MSRA: variants seen among roughly 807,000 people sequenced by gnomAD.
The protein encoded by MSRA is mitochondrial peptide methionine sulfoxide reductase.
In MSRA, 54 loss-of-function variants were observed where a neutral mutation model predicts 31.3. The observed-to-expected ratio is 1.73, with a 90% CI of 1.39 to 2.17. The LOEUF is 2.17. MSRA is among the 30% of genes most tolerant of loss of function. The pLI is 0.00. For synonymous variants in MSRA, 169 were observed against 116.5 expected (o/e 1.45, Z -2.90); for missense variants, 507 against 300.9 (o/e 1.69, Z -5.07).
intron 1 of MSRA, among the ~76,000 whole-genome samples, chr8:10,102,466 CTT>C (rs139238430): frequency 0.046 from 7,069 of 152,156 alleles, 227 homozygotes; most frequent in South Asian, 0.11. Flanking sequence ...TCTGCTATGT[CTT>C]TACTGAGACT....
intron 2 of MSRA, among the ~76,000 whole-genome samples, chr8:10,222,834 G>C (rs1460782807): frequency 6.6e-6 from 1 of 152,218 alleles, no homozygotes; most frequent in Non-Finnish European, 1.5e-5. Flanking sequence ...CCAGGGGCTG[G>C]AGAGATGTTG....
At chr8:10,335,302 G>C (rs1389248343) in intron 5 of MSRA, among the ~76,000 whole-genome samples, 1 of 113,492 alleles carries the variant, frequency 8.8e-6, no homozygotes, top group African/African-American at 3.5e-5. Context: ...ATCCGGCCCT[G>C]TGACCCTTTC....
intron 3 of MSRA, among the ~76,000 whole-genome samples, chr8:10,257,239 G>T (rs1446762794): frequency 6.6e-6 from 1 of 152,116 alleles, no homozygotes; most frequent in Non-Finnish European, 1.5e-5. Flanking sequence ...CAGCCTGGAA[G>T]TAAGAGGAAG....
rs190228610 is a variant in MSRA, at chr8:10,398,487, G to T, written c.544-29661G>T. 1.7e-3 allele frequency among the ~76,000 whole-genome samples: 260 copies of T among 152,328 alleles called. 1 individual carries two copies. The highest frequency in any genetic ancestry group is 2.4e-4 in the Non-Finnish European group (16 of 68,026). On this transcript the variant is annotated intron_variant, in intron 5 of 5. Transcript: ENST00000317173. ...TTCTCCTGCAGGGGTCCCTCAGAGGGCTTGACTACTGGGATTGCCTTTGCC... is the reference window on the plus strand; with the variant it reads ...TTCTCCTGCAGGGGTCCCTCAGAGGTCTTGACTACTGGGATTGCCTTTGCC...
intron 5 of MSRA, among the ~76,000 whole-genome samples, chr8:10,355,619 G>C (rs1264074900): frequency 1.3e-5 from 2 of 152,186 alleles, no homozygotes; most frequent in Non-Finnish European, 2.9e-5. Context: ...CTGTCCCTCT[G>C]TGGGGTCAGG....
At chr8:10,286,134 A>G (rs116729032) in intron 3 of MSRA, among the ~76,000 whole-genome samples, 3,948 of 152,090 alleles carry the variant, frequency 0.026, 169 homozygotes, top group African/African-American at 0.089. Flanking sequence ...CCATTCTAGG[A>G]TCTTCTTCCT....
At chr8:10,297,372 A>G (rs1183779199) in intron 3 of MSRA, among the ~76,000 whole-genome samples, 1 of 152,158 alleles carries the variant, frequency 6.6e-6, no homozygotes, top group Non-Finnish European at 1.5e-5. Flanking sequence ...AAGCCCCCGT[A>G]ATGCTGCTGT....
intron 1 of MSRA, among the ~76,000 whole-genome samples, chr8:10,066,926 A>G (rs1797482026): frequency 6.6e-6 from 1 of 151,928 alleles, no homozygotes; most frequent in Non-Finnish European, 1.5e-5. Context: ...TTGAGTGGAA[A>G]GTACAGAGTT....
chr8:10,309,119 T>C (rs1801296172), intron 4 of MSRA, among the ~76,000 whole-genome samples: 1 of 152,224 alleles, frequency 6.6e-6, no homozygotes, highest in African/African-American at 2.4e-5. Context: ...CCCATGAACT[T>C]CTGTACTATC....
At chr8:10,334,473 C>T (rs942077298) in intron 5 of MSRA, among the ~76,000 whole-genome samples, 2 of 151,950 alleles carry the variant, frequency 1.3e-5, no homozygotes, top group African/African-American at 4.8e-5. Flanking sequence ...ATTTCTGTGG[C>T]GCCAAGAGTG....
chr8:10,341,518 A>G lies in MSRA; in HGVS notation c.543+21529A>G, dbSNP rs183228999. ...CTCCAGGACTGGAGATGACATTTCA[A>G]CATGAGATTTGGGCAGGGACATATA... On this transcript the variant is annotated intron_variant, in intron 5 of 5. Coordinates refer to ENST00000317173, the MANE Select transcript of MSRA (RefSeq NM_012331.5). 9.3e-4 allele frequency among the ~76,000 whole-genome samples: 141 copies of G among 152,322 alleles called. 1 individual carries two copies. The highest frequency in any genetic ancestry group is 2.8e-4 in the Non-Finnish European group (19 of 68,030).
intron 1 of MSRA, among the ~76,000 whole-genome samples, chr8:10,114,752 G>C (rs897086645): frequency 7.9e-5 from 12 of 152,094 alleles, no homozygotes; most frequent in African/African-American, 1.4e-4. Flanking sequence ...TTTACTAAAG[G>C]GAAGAAAGGA....
intron 1 of MSRA, among the ~76,000 whole-genome samples, chr8:10,109,495 A>C (rs1800128469): frequency 6.6e-6 from 1 of 151,786 alleles, no homozygotes; most frequent in Non-Finnish European, 1.5e-5. Context: ...GCACGCACCT[A>C]CCACACTCAG....
intron 5 of MSRA, among the ~76,000 whole-genome samples, chr8:10,409,669 C>T (rs780401134): frequency 2.0e-5 from 3 of 152,248 alleles, no homozygotes; most frequent in Non-Finnish European, 4.4e-5. Flanking sequence ...AGCATCACCC[C>T]TAGGCCCTCC....
intron 1 of MSRA, among the ~76,000 whole-genome samples, chr8:10,062,200 C>G (rs1797233444): frequency 6.6e-6 from 1 of 152,226 alleles, no homozygotes. Context: ...ATCCGTTCCT[C>G]CTTGGCAGAT....
chr8:10,340,589 T>A (rs1372515245), intron 5 of MSRA, among the ~76,000 whole-genome samples: 1 of 152,332 alleles, frequency 6.6e-6, no homozygotes, highest in African/African-American at 2.4e-5. Context: ...GCCAGGCTTG[T>A]TTTGAGTTCC....
intron 1 of MSRA, among the ~76,000 whole-genome samples, chr8:10,115,817 A>C (rs981408043): frequency 8.5e-5 from 13 of 152,356 alleles, no homozygotes; most frequent in African/African-American, 3.1e-4. Context: ...AGAAGAGGAC[A>C]CAGTCCACAC....
intron 1 of MSRA, among the ~76,000 whole-genome samples, chr8:10,088,022 C>G (rs1057439078): frequency 6.6e-6 from 1 of 152,172 alleles, no homozygotes; most frequent in African/African-American, 2.4e-5. Flanking sequence ...CTTATCATTT[C>G]TTTGTCCTTT....
chr8:10,123,215 C>T lies in MSRA; in HGVS notation c.142+68557C>T, dbSNP rs1340313209. ...TATGTTTTGACTTTTTAGTAATAGC[C>T]ATTCTGACTGGTGTGAGATGGTATC... On this transcript the variant is annotated intron_variant, in intron 1 of 5. Coordinates refer to ENST00000317173, the MANE Select transcript of MSRA (RefSeq NM_012331.5). 2.0e-5 allele frequency among the ~76,000 whole-genome samples: 3 copies of T among 152,156 alleles called. No homozygotes were observed. In the East Asian group the frequency reaches 5.8e-4, roughly 29 times the overall value.
Sources: gnomAD v4.1 joint callset for allele counts (sites outside exome capture counted in the v4.1 genomes callset) on GRCh38, gnomAD v4.1.1 for gene constraint, MANE v1.5 for transcripts, NCBI Gene and HGNC (gene_info 2026-07-23, HGNC 2026-07-21) for gene names.